Variants in CLNK observed in about 807,000 individuals in gnomAD.
CLNK encodes cytokine dependent hematopoietic cell linker.
Under a neutral mutation model 68.6 loss-of-function variants are expected in CLNK, and 74 were observed. The observed-to-expected ratio is 1.08, with a 90% CI of 0.89 to 1.31. The LOEUF (loss-of-function observed/expected upper bound fraction) is 1.31. CLNK is among the 50% of genes most tolerant of loss of function. CLNK has a pLI of 0.00. For missense variants in CLNK, 553 were observed against 515.3 expected, an observed-to-expected ratio of 1.07 and a Z score of -0.71; for synonymous variants, 198 against 172.2, an observed-to-expected ratio of 1.15 and a Z score of -1.17.
At chr4:10,697,450 G>C in the CLNK span, 1 of 152,212 alleles carries the variant, frequency 6.6e-6, no homozygotes, top group African/African-American at 2.4e-5. Context: ...GGAAATTCCA[G>C]TCCATCATCT....
At chr4:10,632,923 A>C (rs546121099) in intron 2 of CLNK, among the ~76,000 whole-genome samples, 1 of 152,348 alleles carries the variant, frequency 6.6e-6, no homozygotes, top group Non-Finnish European at 1.5e-5. Flanking sequence ...ATTTTATCTT[A>C]TTTTGAGACA....
intron 1 of CLNK, among the ~76,000 whole-genome samples, chr4:10,671,023 C>T (rs1023934652): frequency 1.3e-5 from 2 of 152,160 alleles, no homozygotes; most frequent in African/African-American, 2.4e-5. Context: ...TTGAGAGATG[C>T]AAGCACTTTA....
chr4:10,528,721 T>G (rs956545080), intron 12 of CLNK, among the ~76,000 whole-genome samples: 6 of 152,212 alleles, frequency 3.9e-5, no homozygotes, highest in African/African-American at 1.4e-4. Context: ...TCCATGTATA[T>G]TTGTGTGTAT....
At chr4:10,664,102 TAGTC>T in intron 2 of CLNK, among the ~76,000 whole-genome samples, 1 of 152,300 alleles carries the variant, frequency 6.6e-6, no homozygotes, top group African/African-American at 2.4e-5. Flanking sequence ...AGTAAGGAAT[TAGTC>T]ATAGTTACAA....
chr4:10,631,113 T>C (rs190563344), intron 2 of CLNK, among the ~76,000 whole-genome samples: 129 of 151,750 alleles, frequency 8.5e-4, no homozygotes, highest in African/African-American at 2.9e-3. Context: ...CTTTTGGCCT[T>C]CTGTGTCTCT....
chr4:10,651,426 T>C (rs984085521), intron 2 of CLNK, among the ~76,000 whole-genome samples: 4 of 152,148 alleles, frequency 2.6e-5, no homozygotes, highest in African/African-American at 9.7e-5. Flanking sequence ...GAAACAAACA[T>C]TCACAGCAAA....
chr4:10,699,285 C>CACACACATACACACCACGTATGTGT, the CLNK span, among the ~76,000 whole-genome samples: 1 of 46,192 alleles, frequency 2.2e-5, no homozygotes, highest in African/African-American at 9.3e-5. Flanking sequence ...ACACCACATA[C>CACACACATACACACCACGTATGTGT]GTGTATACAC....
intron 3 of CLNK, among the ~76,000 whole-genome samples, chr4:10,586,807 TA>T (rs1202827952): frequency 6.6e-6 from 1 of 152,206 alleles, no homozygotes; most frequent in Non-Finnish European, 1.5e-5. Flanking sequence ...CCATACCTTA[TA>T]ACCAGTTTGC....
chr4:10,712,847 C>A, the CLNK span, among the ~76,000 whole-genome samples: 1 of 152,188 alleles, frequency 6.6e-6, no homozygotes, highest in Non-Finnish European at 1.5e-5. Flanking sequence ...TGATGCCCAC[C>A]AGACATGTGG....
chr4:10,510,815 GC>G (rs1255443448), intron 16 of CLNK, among the ~76,000 whole-genome samples: 1 of 152,096 alleles, frequency 6.6e-6, no homozygotes, highest in Non-Finnish European at 1.5e-5. Flanking sequence ...TCAACCTATT[GC>G]TAAAATTTAC....
intron 9 of CLNK, 51 bp downstream of exon 9, chr4:10,542,204 G>A (rs1009475180): frequency 5.3e-5 from 68 of 1,279,438 alleles, no homozygotes; most frequent in Middle Eastern, 1.9e-4. Flanking sequence ...ATATCTCTAG[G>A]CTTCTAAAGT....
intron 2 of CLNK, among the ~76,000 whole-genome samples, chr4:10,656,114 C>T (rs1031427099): frequency 2.6e-5 from 4 of 151,848 alleles, no homozygotes; most frequent in African/African-American, 9.7e-5. Flanking sequence ...GTTTGGAATT[C>T]AACGTAGGAA....
At chr4:10,530,835 C>T (rs1044159121) in intron 12 of CLNK, among the ~76,000 whole-genome samples, 19 of 152,154 alleles carry the variant, frequency 1.2e-4, no homozygotes, top group Admixed American at 1.3e-4. Flanking sequence ...GAGCATCACC[C>T]CAGCCTGCTC....
At chr4:10,650,611 A>C (rs1253853316) in intron 2 of CLNK, among the ~76,000 whole-genome samples, 1 of 152,178 alleles carries the variant, frequency 6.6e-6, no homozygotes, top group African/African-American at 2.4e-5. Flanking sequence ...AACAACTGTC[A>C]ATCTGAAATT....
rs373433196 is a variant in CLNK, at chr4:10,525,868, G to T, written c.704C>A (p.Thr235Asn). 1 of 1,583,818 alleles carries T rather than the reference G, an allele frequency of 6.3e-7. No individual in the cohort carries two copies. Among genetic ancestry groups the T allele is most frequent in the Non-Finnish European group, 8.6e-7 (1 of 1,163,070 alleles). ...ESTHLLENQN[T>N]QEIPLAISSS... ...GCTAATGGCAAGTGGAATCTCTTGA[G>T]TATTTTGGTTTTCTAACAGATGAGT... The change falls in exon 14 of 19, where the codon ACT (threonine) becomes AAT (asparagine). Residue 235 changes from threonine (T) to asparagine (N), a missense_variant. Transcript: ENST00000226951.
chr4:10,524,846 G>A (rs1298543688), intron 14 of CLNK, among the ~76,000 whole-genome samples: 1 of 152,162 alleles, frequency 6.6e-6, no homozygotes, highest in Non-Finnish European at 1.5e-5. Flanking sequence ...GGAGAGTGGT[G>A]TGTGCCAGTG....
chr4:10,561,671 T>A (rs1044681978), intron 7 of CLNK, among the ~76,000 whole-genome samples: 1 of 152,198 alleles, frequency 6.6e-6, no homozygotes, highest in Non-Finnish European at 1.5e-5. Context: ...CGCTTTATGC[T>A]CTGGTGATGA....
At chr4:10,541,921 T>G in intron 10 of CLNK, 101 bp downstream of exon 10, 1 of 892,410 alleles carries the variant, frequency 1.1e-6, no homozygotes, top group African/African-American at 1.7e-5. Context: ...TGAAATCATA[T>G]TAGATTTTCA....
intron 2 of CLNK, among the ~76,000 whole-genome samples, chr4:10,604,040 A>G (rs61794847): frequency 0.041 from 6,262 of 152,314 alleles, 187 homozygotes; most frequent in Middle Eastern, 0.099. Context: ...AGTAGACTGG[A>G]TATGAATGCA....
Sources: allele counts gnomAD v4.1 joint callset (sites outside exome capture counted in the v4.1 genomes callset), GRCh38; gene constraint gnomAD v4.1.1; transcripts MANE v1.5; gene names NCBI Gene and HGNC (gene_info 2026-07-23, HGNC 2026-07-21).